TENM2: variants seen among roughly 807,000 people sequenced by gnomAD.
The protein encoded by TENM2 is teneurin transmembrane protein 2, also known as teneurin-2.
Under a neutral mutation model 245.2 loss-of-function variants are expected in TENM2, and 52 were observed. That is an observed-to-expected ratio of 0.21 (90% CI 0.17 to 0.27). The LOEUF (loss-of-function observed/expected upper bound fraction) is 0.27. TENM2 is among the 10% of genes least tolerant of loss of function. The pLI is 1.00. For synonymous variants in TENM2, 1,363 were observed against 1,438.9 expected (o/e 0.95, Z 1.19); for missense variants, 3,046 against 3,666.8 (o/e 0.83, Z 4.37).
the TENM2 span, among the ~76,000 whole-genome samples, chr5:167,157,130 T>C: frequency 1.3e-5 from 2 of 152,182 alleles, no homozygotes; most frequent in African/African-American, 4.8e-5. Flanking sequence ...TCTGTTACAG[T>C]AGGAAAAATA....
chr5:167,217,946 T>A, the TENM2 span, among the ~76,000 whole-genome samples: 2 of 151,882 alleles, frequency 1.3e-5, no homozygotes, highest in Non-Finnish European at 2.9e-5. Flanking sequence ...GTCTCAATCT[T>A]CACAGTTCCC....
At chr5:167,930,757 G>T (rs1023581751) in intron 3 of TENM2, among the ~76,000 whole-genome samples, 15 of 148,598 alleles carry the variant, frequency 1.0e-4, no homozygotes, top group African/African-American at 3.5e-4. Context: ...CTAAAGAAGA[G>T]AATTTTTTTT....
At chr5:168,108,664 T>G (rs1019484941) in intron 9 of TENM2, among the ~76,000 whole-genome samples, 3 of 152,216 alleles carry the variant, frequency 2.0e-5, no homozygotes, top group African/African-American at 7.2e-5. Context: ...TGCCTGGTTC[T>G]GAAGCTTGTG....
rs1015500827 is a variant in TENM2, at chr5:168,075,951, C to T, written c.1515+13686C>T. Among the ~76,000 whole-genome samples the T allele has an allele frequency of 2.0e-5, 3 of 152,094 alleles. No individual in the cohort carries two copies. The East Asian group carries it at 5.8e-4, about 29-fold the overall frequency. On this transcript the variant is annotated intron_variant, in intron 7 of 28. Coordinates refer to ENST00000518659, the Ensembl canonical transcript of TENM2. ...ATGAGAACAGCACAGGAAAGACCCA[C>T]CCCCATGATTCAAATACCTCCCACC...
At chr5:167,916,540 A>G (rs60590105) in intron 3 of TENM2, among the ~76,000 whole-genome samples, 1,846 of 152,190 alleles carry the variant, frequency 0.012, 39 homozygotes, top group African/African-American at 0.041. Context: ...ACTGTGTGTT[A>G]TACTCTTAGC....
chr5:167,832,087 C>T (rs549771809), intron 2 of TENM2, among the ~76,000 whole-genome samples: 4 of 152,060 alleles, frequency 2.6e-5, no homozygotes, highest in Admixed American at 6.5e-5. Context: ...TAAACTGAAA[C>T]GACCAAATCC....
intron 2 of TENM2, among the ~76,000 whole-genome samples, chr5:167,540,454 AAAATT>A (rs2127603368): frequency 6.6e-6 from 1 of 152,372 alleles, no homozygotes; most frequent in African/African-American, 2.4e-5. Flanking sequence ...ATGACACGTG[AAAATT>A]AAATTCAAAT....
chr5:168,070,187 C>A (rs1459925006), intron 7 of TENM2, among the ~76,000 whole-genome samples: 2 of 152,136 alleles, frequency 1.3e-5, no homozygotes, highest in Non-Finnish European at 2.9e-5. Flanking sequence ...GCTGATAGAA[C>A]GAAATGTGTG....
chr5:168,084,301 A>G (rs1307584526), intron 7 of TENM2, among the ~76,000 whole-genome samples: 1 of 152,172 alleles, frequency 6.6e-6, no homozygotes, highest in Non-Finnish European at 1.5e-5. Context: ...GTTGAATGGT[A>G]GTTCTGTTTT....
chr5:167,289,124 A>G (rs1754494822), intron 1 of TENM2, among the ~76,000 whole-genome samples: 1 of 152,018 alleles, frequency 6.6e-6, no homozygotes, highest in Middle Eastern at 3.2e-3. Context: ...CTCTCTACCA[A>G]CCACCACTGT....
chr5:167,117,267 G>A, the TENM2 span, among the ~76,000 whole-genome samples: 3 of 152,330 alleles, frequency 2.0e-5, no homozygotes, highest in Admixed American at 1.3e-4. Flanking sequence ...ACTTTGGGAG[G>A]CCCAGGCGGG....
At chr5:168,086,271 A>G (rs1792450728) in intron 7 of TENM2, among the ~76,000 whole-genome samples, 1 of 152,158 alleles carries the variant, frequency 6.6e-6, no homozygotes, top group Admixed American at 6.5e-5. Flanking sequence ...CCACTAAGTT[A>G]TCTTAATTAC....
At chr5:167,023,052 C>T in the TENM2 span, among the ~76,000 whole-genome samples, 1 of 152,154 alleles carries the variant, frequency 6.6e-6, no homozygotes, top group Non-Finnish European at 1.5e-5. Context: ...AATATGGCCT[C>T]TGGGACTTAT....
intron 9 of TENM2, among the ~76,000 whole-genome samples, chr5:168,110,763 T>A (rs1794613515): frequency 6.6e-6 from 1 of 152,180 alleles, no homozygotes; most frequent in African/African-American, 2.4e-5. Context: ...AAATATTCAT[T>A]ATGTAATTAA....
chr5:167,672,662 T>C (rs1249560176), intron 2 of TENM2, among the ~76,000 whole-genome samples: 3 of 152,138 alleles, frequency 2.0e-5, no homozygotes, highest in African/African-American at 7.2e-5. Flanking sequence ...ATCTGTGCGA[T>C]CTGAAAATCA....
chr5:167,352,064 T>G (rs1252073939), intron 1 of TENM2, among the ~76,000 whole-genome samples: 1 of 152,202 alleles, frequency 6.6e-6, no homozygotes, highest in Non-Finnish European at 1.5e-5. Context: ...CTGTCCTTTT[T>G]CAAATTTTAT....
chr5:168,015,270 G>A (rs537407785), intron 5 of TENM2, among the ~76,000 whole-genome samples: 11 of 152,332 alleles, frequency 7.2e-5, no homozygotes, highest in Admixed American at 5.9e-4. Context: ...CTTTATGTTT[G>A]AGAGGCACCT....
intron 3 of TENM2, among the ~76,000 whole-genome samples, chr5:167,888,831 G>A (rs1774506661): frequency 6.6e-6 from 1 of 152,116 alleles, no homozygotes; most frequent in African/African-American, 2.4e-5. Context: ...TGTTTATAAA[G>A]CCAAAGATGA....
chr5:167,937,783 T>C (rs1778845563), intron 3 of TENM2: 2 of 152,162 alleles, frequency 1.3e-5, no homozygotes. Context: ...ATCCATGGAA[T>C]TGGCATGATG....
Sources: gnomAD v4.1 joint callset for allele counts (sites outside exome capture counted in the v4.1 genomes callset) on GRCh38, gnomAD v4.1.1 for gene constraint, MANE v1.5 for transcripts, NCBI Gene and HGNC (gene_info 2026-07-23, HGNC 2026-07-21) for gene names.